The following CSMD3 variants were observed in gnomAD, a reference collection of about 807,000 sequenced individuals.
The protein encoded by CSMD3 is CUB and sushi domain-containing protein 3.
Under a neutral mutation model 435.2 loss-of-function variants are expected in CSMD3, and 177 were observed. The ratio of observed to expected loss-of-function variants is 0.41; its 90% CI spans 0.36 to 0.46. CSMD3 has a LOEUF of 0.46. CSMD3 is among the 20% of genes least tolerant of loss of function. The pLI is 0.34. For synonymous variants in CSMD3, 1,656 were observed against 1,520.5 expected (o/e 1.09, Z -2.07); for missense variants, 4,265 against 4,504.6 (o/e 0.95, Z 1.52).
At chr8:112,930,562 C>T (rs1474795781) in intron 9 of CSMD3, among the ~76,000 whole-genome samples, 1 of 151,812 alleles carries the variant, frequency 6.6e-6, no homozygotes, top group Non-Finnish European at 1.5e-5. Flanking sequence ...ATAAATTATC[C>T]AAAATGATCA....
At chr8:113,259,220 G>T (rs947253841) in intron 3 of CSMD3, among the ~76,000 whole-genome samples, 1 of 152,150 alleles carries the variant, frequency 6.6e-6, no homozygotes, top group Non-Finnish European at 1.5e-5. Flanking sequence ...TTGAGCCAAT[G>T]AGAAGTTAGT....
At chr8:113,197,390 CAA>C (rs1215368706) in intron 3 of CSMD3, among the ~76,000 whole-genome samples, 1 of 149,234 alleles carries the variant, frequency 6.7e-6, no homozygotes. Flanking sequence ...GCAAATACTC[CAA>C]AAAAAAATCC....
intron 16 of CSMD3, among the ~76,000 whole-genome samples, chr8:112,669,400 T>TA (rs888187164): frequency 3.3e-5 from 5 of 151,758 alleles, no homozygotes; most frequent in South Asian, 2.1e-4. Flanking sequence ...AAAATACAAC[T>TA]AAAAAAAACA....
At chr8:112,551,773 C>T (rs990685826) in intron 26 of CSMD3, among the ~76,000 whole-genome samples, 16 of 151,972 alleles carry the variant, frequency 1.1e-4, no homozygotes, top group Non-Finnish European at 1.9e-4. Flanking sequence ...TAGTATACCA[C>T]CTAGAAGCCT....
chr8:112,526,367 T>C (rs1235283074), intron 27 of CSMD3, among the ~76,000 whole-genome samples: 1 of 152,042 alleles, frequency 6.6e-6, no homozygotes, highest in Non-Finnish European at 1.5e-5. Context: ...TATGTTCTTT[T>C]ATTTATTTTT....
At chr8:112,288,707 G>GA (rs1819468716) in intron 57 of CSMD3, among the ~76,000 whole-genome samples, 1 of 151,546 alleles carries the variant, frequency 6.6e-6, no homozygotes, top group African/African-American at 2.4e-5. Context: ...TGGTGTTTTT[G>GA]AAAAAAAGTG....
intron 27 of CSMD3, among the ~76,000 whole-genome samples, chr8:112,548,724 A>G (rs1392230659): frequency 6.6e-6 from 1 of 152,124 alleles, no homozygotes; most frequent in Admixed American, 6.6e-5. Context: ...GAACACTTGA[A>G]AAGCTGTGTA....
rs2074731899 is a variant in CSMD3 at position 112,638,648 on chromosome 8, C to T, written c.3526+48G>A. 5.0e-6 allele frequency: 6 copies of T among 1,190,854 alleles called. No homozygotes were observed. The Admixed American group carries it at 8.8e-5, about 17-fold the overall frequency. 73.8% of individuals were successfully genotyped at this position (1,190,854 alleles called of 1,614,324 possible). ...GTTATGCTCATATCTTGAAAAATTGCTTTTTTAAAAGTTACTGAATGAGCC... is the reference window on the plus strand; with the variant it reads ...GTTATGCTCATATCTTGAAAAATTGTTTTTTTAAAAGTTACTGAATGAGCC... On this transcript the variant is annotated intron_variant, in intron 21 of 70. Coordinates refer to ENST00000297405, the MANE Select transcript of CSMD3 (RefSeq NM_198123.2).
At chr8:112,615,950 T>C (rs1442942106) in intron 22 of CSMD3, among the ~76,000 whole-genome samples, 1 of 152,198 alleles carries the variant, frequency 6.6e-6, no homozygotes, top group Non-Finnish European at 1.5e-5. Flanking sequence ...ATTTAATTTG[T>C]AGAAGCAGAT....
chr8:113,175,063 C>A (rs1030162080), intron 3 of CSMD3, among the ~76,000 whole-genome samples: 8 of 151,692 alleles, frequency 5.3e-5, no homozygotes, highest in Non-Finnish European at 8.9e-5. Flanking sequence ...TTACTAAATT[C>A]TATATAATAT....
chr8:113,418,731 T>C (rs2094594581), intron 1 of CSMD3, among the ~76,000 whole-genome samples: 1 of 152,168 alleles, frequency 6.6e-6, no homozygotes. Flanking sequence ...TCGGAAGCAG[T>C]TTCCTCTGCA....
At chr8:112,805,839 T>G (rs535732887) in intron 12 of CSMD3, among the ~76,000 whole-genome samples, 1 of 152,258 alleles carries the variant, frequency 6.6e-6, no homozygotes, top group African/African-American at 2.4e-5. Context: ...TCTCTAATCA[T>G]TTACAGAAAA....
chr8:113,237,027 C>T (rs1385236464), intron 3 of CSMD3, among the ~76,000 whole-genome samples: 1 of 152,038 alleles, frequency 6.6e-6, no homozygotes, highest in East Asian at 1.9e-4. Flanking sequence ...TCTGGGGTTC[C>T]CTTTAGGAGA....
intron 3 of CSMD3, among the ~76,000 whole-genome samples, chr8:113,252,010 A>G (rs1006350069): frequency 1.3e-5 from 2 of 152,080 alleles, no homozygotes; most frequent in Admixed American, 6.6e-5. Flanking sequence ...TACAGTTAAA[A>G]TTTTCACAGA....
intron 6 of CSMD3, among the ~76,000 whole-genome samples, chr8:112,987,223 T>C (rs1249743129): frequency 1.3e-5 from 2 of 152,252 alleles, no homozygotes; most frequent in Non-Finnish European, 2.9e-5. Context: ...TGCTGTATTC[T>C]AATTACAGAT....
intron 3 of CSMD3, among the ~76,000 whole-genome samples, chr8:113,224,522 T>C (rs901840335): frequency 2.6e-5 from 4 of 151,338 alleles, no homozygotes; most frequent in Non-Finnish European, 5.9e-5. Context: ...ACCTTCTAAT[T>C]ATATATAACA....
intron 13 of CSMD3, among the ~76,000 whole-genome samples, chr8:112,740,028 G>A (rs1238787418): frequency 6.6e-6 from 1 of 151,462 alleles, no homozygotes; most frequent in Non-Finnish European, 1.5e-5. Context: ...GATATCAATG[G>A]GCACAGAGAA....
intron 2 of CSMD3, chr8:113,313,159 C>G (rs577946112): frequency 6.6e-6 from 1 of 152,084 alleles, no homozygotes; most frequent in East Asian, 1.9e-4. Context: ...GGCCTTACTA[C>G]CATCTCTCAG....
At chr8:113,246,873 T>G (rs1194466226) in intron 3 of CSMD3, among the ~76,000 whole-genome samples, 1 of 152,174 alleles carries the variant, frequency 6.6e-6, no homozygotes, top group Non-Finnish European at 1.5e-5. Flanking sequence ...TTAAATTCCT[T>G]GAACCAGTAA....
Sources: gnomAD v4.1 joint callset for allele counts (sites outside exome capture counted in the v4.1 genomes callset) on GRCh38, gnomAD v4.1.1 for gene constraint, MANE v1.5 for transcripts, NCBI Gene and HGNC (gene_info 2026-07-23, HGNC 2026-07-21) for gene names.